Variants in GRID2 observed in about 807,000 individuals in gnomAD.
The protein encoded by GRID2 is glutamate ionotropic receptor delta type subunit 2.
In GRID2, 33 loss-of-function variants were observed where a neutral mutation model predicts 114.8. That is an observed-to-expected ratio of 0.29 (90% CI 0.22 to 0.38). GRID2 has a LOEUF of 0.38. Ranked by LOEUF, GRID2 falls within the 10% of genes least tolerant of loss-of-function variation. The pLI, the probability that GRID2 is intolerant of heterozygous loss-of-function variation, is 1.00. For synonymous variants in GRID2, 505 were observed against 449.9 expected (o/e 1.12, Z -1.55); for missense variants, 1,184 against 1,257.7 (o/e 0.94, Z 0.89).
At chr4:92,894,883 T>A (rs1747049154) in intron 2 of GRID2, among the ~76,000 whole-genome samples, 1 of 152,032 alleles carries the variant, frequency 6.6e-6, no homozygotes, top group South Asian at 2.1e-4. Flanking sequence ...GACTCTACAG[T>A]CTGCTTCTTG....
At chr4:93,305,318 C>T (rs573546807) in intron 8 of GRID2, among the ~76,000 whole-genome samples, 2 of 152,220 alleles carry the variant, frequency 1.3e-5, no homozygotes, top group African/African-American at 4.8e-5. Flanking sequence ...ATTTAAAAAG[C>T]TTCAAAGAGA....
intron 2 of GRID2, among the ~76,000 whole-genome samples, chr4:93,043,937 A>T (rs1725875080): frequency 7.6e-6 from 1 of 130,926 alleles, no homozygotes; most frequent in South Asian, 2.5e-4. Context: ...ATATAAAAAT[A>T]AAAAAAGACA....
chr4:93,158,854 CT>C (rs958546621), intron 4 of GRID2, among the ~76,000 whole-genome samples: 11 of 148,886 alleles, frequency 7.4e-5, no homozygotes, highest in South Asian at 4.3e-4. Context: ...CTTTATAAGA[CT>C]TTTTTTTTTC....
At chr4:93,323,019 T>G (rs1305322990) in intron 8 of GRID2, among the ~76,000 whole-genome samples, 3 of 152,230 alleles carry the variant, frequency 2.0e-5, no homozygotes, top group Non-Finnish European at 4.4e-5. Context: ...TGATGGTAGT[T>G]TCTTTTGCTG....
chr4:93,263,428 AT>A (rs1023161990), intron 8 of GRID2, among the ~76,000 whole-genome samples: 1 of 151,130 alleles, frequency 6.6e-6, no homozygotes, highest in Admixed American at 6.6e-5. Context: ...TCCATCTGAG[AT>A]TTTTTTTTGT....
intron 1 of GRID2, among the ~76,000 whole-genome samples, chr4:92,544,650 A>T (rs1271157748): frequency 2.0e-5 from 3 of 152,110 alleles, no homozygotes; most frequent in South Asian, 2.1e-4. Flanking sequence ...CAGAAGAGAG[A>T]GTGTGACCTG....
chr4:92,881,051 A>G (rs1440821856), intron 2 of GRID2, among the ~76,000 whole-genome samples: 1 of 151,922 alleles, frequency 6.6e-6, no homozygotes, highest in Non-Finnish European at 1.5e-5. Flanking sequence ...TATAGACATG[A>G]GCCACCATGC....
chr4:93,039,104 G>A (rs1215906568), intron 2 of GRID2, among the ~76,000 whole-genome samples: 1 of 152,138 alleles, frequency 6.6e-6, no homozygotes, highest in East Asian at 1.9e-4. Context: ...TAAAGAAAAT[G>A]TGGCACATAT....
chr4:93,588,322 G>A (rs1049060646), intron 13 of GRID2, among the ~76,000 whole-genome samples: 4 of 151,936 alleles, frequency 2.6e-5, no homozygotes, highest in Non-Finnish European at 5.9e-5. Flanking sequence ...TGGAATAATA[G>A]GTTTTTTATA....
intron 13 of GRID2, among the ~76,000 whole-genome samples, chr4:93,570,679 GTTAT>G (rs1471850728): frequency 6.6e-6 from 1 of 152,048 alleles, no homozygotes; most frequent in African/African-American, 2.4e-5. Context: ...ATGTACAATT[GTTAT>G]TTGTCAGCTA....
chr4:93,649,018 A>C (rs2149718598), intron 14 of GRID2, among the ~76,000 whole-genome samples: 1 of 152,264 alleles, frequency 6.6e-6, no homozygotes, highest in South Asian at 2.1e-4. Context: ...GAATCAATAA[A>C]CCTAAATTAT....
At chr4:92,974,051 G>C (rs553870980) in intron 2 of GRID2, among the ~76,000 whole-genome samples, 1 of 152,276 alleles carries the variant, frequency 6.6e-6, no homozygotes, top group South Asian at 2.1e-4. Context: ...CTTTTCAAAA[G>C]AAGACATTTA....
In GRID2 at chr4:93,195,359, C is replaced by T. The variant is rs182892926; in HGVS notation, c.736-12045C>T. On this transcript the variant is annotated intron_variant, in intron 4 of 15. Transcript: ENST00000282020. ...GTTACAACTGTGGGCAAATAGGTCT[C>T]AATCCTGTGGAGAACCATCTGAGAA... is the stretch of plus-strand genomic sequence containing the variant. Among the ~76,000 whole-genome samples the T allele has an allele frequency of 5.3e-5, 8 of 152,292 alleles. No individual in the cohort carries two copies. In the East Asian group the frequency reaches 1.2e-3, roughly 22 times the overall value.
chr4:93,792,123 T>G (rs1436586340), intron 1 of GRID2, among the ~76,000 whole-genome samples: 2 of 152,192 alleles, frequency 1.3e-5, no homozygotes, highest in Non-Finnish European at 2.9e-5. Context: ...TTGTCCATAT[T>G]ATTTTCATAT....
intron 2 of GRID2, among the ~76,000 whole-genome samples, chr4:92,724,960 C>G (rs1339747955): frequency 6.6e-6 from 1 of 152,072 alleles, no homozygotes; most frequent in Non-Finnish European, 1.5e-5. Context: ...ACATGATTGA[C>G]AGTAGCCAAG....
intron 14 of GRID2, among the ~76,000 whole-genome samples, chr4:93,684,403 A>C (rs1181674226): frequency 6.6e-6 from 1 of 152,144 alleles, no homozygotes; most frequent in Non-Finnish European, 1.5e-5. Flanking sequence ...ATGCTGAAGG[A>C]CTGTGTTTTC....
intron 8 of GRID2, chr4:93,258,853 C>G (rs1431953268): frequency 2.2e-6 from 1 of 451,428 alleles, no homozygotes; most frequent in Non-Finnish European, 4.4e-6. Context: ...ACAAACACAA[C>G]TACTGCAAGA....
At chr4:92,891,499 A>G (rs1342249591) in intron 2 of GRID2, among the ~76,000 whole-genome samples, 1 of 152,178 alleles carries the variant, frequency 6.6e-6, no homozygotes, top group Non-Finnish European at 1.5e-5. Context: ...GTGTTTTGGA[A>G]AAGAAAGGGA....
At chr4:93,202,971 TTG>T (rs1396511689) in intron 4 of GRID2, among the ~76,000 whole-genome samples, 2 of 151,812 alleles carry the variant, frequency 1.3e-5, no homozygotes, top group Admixed American at 6.6e-5. Context: ...ACATTCTTTT[TTG>T]TGTGTGTGTG....
Sources: allele counts gnomAD v4.1 joint callset (sites outside exome capture counted in the v4.1 genomes callset), GRCh38; gene constraint gnomAD v4.1.1; transcripts MANE v1.5; gene names NCBI Gene and HGNC (gene_info 2026-07-23, HGNC 2026-07-21).